Variants in EPHA6 observed in about 807,000 individuals in gnomAD.
The protein encoded by EPHA6 is ephrin type-A receptor 6.
Under a neutral mutation model 112.0 loss-of-function variants are expected in EPHA6, and 50 were observed. The ratio of observed to expected loss-of-function variants is 0.45; its 90% confidence interval spans 0.36 to 0.56. The LOEUF (loss-of-function observed/expected upper bound fraction) is 0.56. Among genes scored for constraint, EPHA6 ranks in the 20% least tolerant of loss-of-function variants. The pLI is 0.00. For synonymous variants in EPHA6, 529 were observed against 490.7 expected (o/e 1.08, Z -1.03); for missense variants, 1,280 against 1,417.4 (o/e 0.90, Z 1.56).
At chr3:96,913,012 T>G (rs2107606918) in intron 2 of EPHA6, among the ~76,000 whole-genome samples, 1 of 152,080 alleles carries the variant, frequency 6.6e-6, no homozygotes, top group African/African-American at 2.4e-5. Flanking sequence ...TAAGGTAGAA[T>G]TAGAAGAGTC....
rs1559755268 is a variant in EPHA6 at position 96,829,961 on chromosome 3, ACACACAC to A, written c.385+14954_385+14960del. 2.7e-5 allele frequency among the ~76,000 whole-genome samples: 4 copies of A among 147,294 alleles called. No homozygotes were observed. In the East Asian group the frequency reaches 7.9e-4, roughly 29 times the overall value. ...TGTGCGCGCGCGCGCACACACACAC[ACACACAC>A]ACACACACACACACACACACAGAAA... On this transcript the variant is annotated intron_variant, in intron 1 of 17. Coordinates refer to ENST00000389672, the MANE Select transcript of EPHA6 (RefSeq NM_001080448.3).
At chr3:97,061,083 C>G (rs191843820) in intron 3 of EPHA6, among the ~76,000 whole-genome samples, 5 of 151,900 alleles carry the variant, frequency 3.3e-5, no homozygotes, top group Non-Finnish European at 7.4e-5. Flanking sequence ...ATCTTGGTAA[C>G]AGACATTACA....
chr3:97,558,979 G>A (rs2093152013), intron 11 of EPHA6, among the ~76,000 whole-genome samples: 1 of 151,984 alleles, frequency 6.6e-6, no homozygotes, highest in South Asian at 2.1e-4. Flanking sequence ...ACCAATATGT[G>A]TGAGACATGC....
At chr3:97,476,689 A>G (rs1701639866) in intron 8 of EPHA6, among the ~76,000 whole-genome samples, 1 of 152,132 alleles carries the variant, frequency 6.6e-6, no homozygotes, top group Admixed American at 6.5e-5. Flanking sequence ...ACTGCTATTC[A>G]GTAACAGTGT....
chr3:97,026,616 A>G (rs1422943003), intron 3 of EPHA6, among the ~76,000 whole-genome samples: 1 of 152,150 alleles, frequency 6.6e-6, no homozygotes, highest in South Asian at 2.1e-4. Context: ...CAACCCCATA[A>G]AAAATTAGGC....
At chr3:97,455,230 G>T (rs1043529644) in intron 7 of EPHA6, among the ~76,000 whole-genome samples, 1 of 151,990 alleles carries the variant, frequency 6.6e-6, no homozygotes, top group African/African-American at 2.4e-5. Flanking sequence ...CAAACATTGA[G>T]ATTTCATAAC....
At chr3:97,538,621 A>G (rs2092795289) in intron 11 of EPHA6, among the ~76,000 whole-genome samples, 1 of 152,176 alleles carries the variant, frequency 6.6e-6, no homozygotes, top group South Asian at 2.1e-4. Context: ...CCAACTGAAG[A>G]AGAGAAGTGT....
intron 10 of EPHA6, among the ~76,000 whole-genome samples, chr3:97,530,863 A>G (rs1334884261): frequency 6.6e-6 from 1 of 152,020 alleles, no homozygotes; most frequent in East Asian, 1.9e-4. Context: ...TACCTACACC[A>G]AAAGGTAGTT....
chr3:97,128,053 C>G (rs28448694), intron 3 of EPHA6, among the ~76,000 whole-genome samples: 1,995 of 152,128 alleles, frequency 0.013, 27 homozygotes, highest in African/African-American at 0.045. Flanking sequence ...TTATACCACT[C>G]TATATGTCTT....
chr3:97,047,281 A>G (rs1032549447), intron 3 of EPHA6, among the ~76,000 whole-genome samples: 4 of 151,876 alleles, frequency 2.6e-5, no homozygotes, highest in Admixed American at 2.0e-4. Flanking sequence ...CGGGTGGATC[A>G]TGAGGTCAGG....
intron 2 of EPHA6, among the ~76,000 whole-genome samples, chr3:96,870,518 A>G (rs1288711195): frequency 6.6e-6 from 1 of 152,150 alleles, no homozygotes; most frequent in Non-Finnish European, 1.5e-5. Context: ...AAGCTCTTCC[A>G]GAAACATCCT....
In EPHA6 at chr3:97,610,773, AT is replaced by A; in HGVS notation, c.2513-18del. ...TCTGTAATTGCTCTAATCCATGTGT[AT>A]TCTCTTGCTCTTTTGCAGGCAGACC... On this transcript the variant is annotated intron_variant, in intron 12 of 17. Transcript: ENST00000389672. The A allele has an allele frequency of 6.2e-7, 1 of 1,603,488 alleles. No homozygotes were observed. Among genetic ancestry groups the A allele is most frequent in the Non-Finnish European group, 8.5e-7 (1 of 1,171,482 alleles).
intron 3 of EPHA6, among the ~76,000 whole-genome samples, chr3:97,084,113 T>TCC (rs2046815984): frequency 8.1e-6 from 1 of 123,668 alleles, no homozygotes; most frequent in Non-Finnish European, 1.7e-5. Context: ...TATATATATA[T>TCC]ATATATATAT....
intron 6 of EPHA6, among the ~76,000 whole-genome samples, chr3:97,435,351 C>A (rs1011007475): frequency 6.6e-6 from 1 of 151,980 alleles, no homozygotes; most frequent in Admixed American, 6.6e-5. Context: ...AACTTGAAGT[C>A]TACTTAGTAG....
intron 15 of EPHA6, among the ~76,000 whole-genome samples, chr3:97,729,262 A>C (rs1425055477): frequency 6.6e-6 from 1 of 152,076 alleles, no homozygotes; most frequent in Non-Finnish European, 1.5e-5. Context: ...TGAATGTTGA[A>C]AAATATTGAA....
intron 2 of EPHA6, among the ~76,000 whole-genome samples, chr3:96,886,038 GTTCC>G: frequency 6.6e-6 from 1 of 152,276 alleles, no homozygotes; most frequent in East Asian, 1.9e-4. Flanking sequence ...GTTTTTGATG[GTTCC>G]TCTTGGAGTT....
chr3:97,393,344 A>G (rs2086524545), intron 5 of EPHA6, among the ~76,000 whole-genome samples: 1 of 151,858 alleles, frequency 6.6e-6, no homozygotes, highest in Admixed American at 6.6e-5. Flanking sequence ...CTCTGGAACT[A>G]AATAATAGTC....
At chr3:97,146,644 G>A (rs1460267180) in intron 3 of EPHA6, among the ~76,000 whole-genome samples, 1 of 151,824 alleles carries the variant, frequency 6.6e-6, no homozygotes, top group Non-Finnish European at 1.5e-5. Flanking sequence ...TTAAAATGAT[G>A]CCTCCTCTTC....
At chr3:97,219,759 T>A (rs564086094) in intron 3 of EPHA6, among the ~76,000 whole-genome samples, 1 of 152,342 alleles carries the variant, frequency 6.6e-6, no homozygotes, top group African/African-American at 2.4e-5. Context: ...TCCTTGTTAG[T>A]TATGCAAATT....
Sources: gnomAD v4.1 joint callset for allele counts (sites outside exome capture counted in the v4.1 genomes callset) on GRCh38, gnomAD v4.1.1 for gene constraint, MANE v1.5 for transcripts, NCBI Gene and HGNC (gene_info 2026-07-23, HGNC 2026-07-21) for gene names.